The following CTNNA2 variants were observed in gnomAD, a reference collection of about 807,000 sequenced individuals.
The protein encoded by CTNNA2 is catenin alpha 2.
In CTNNA2, 42 loss-of-function variants were observed where a neutral mutation model predicts 101.0. The observed-to-expected ratio is 0.42, with a 90% CI of 0.32 to 0.54. CTNNA2 has a LOEUF of 0.54. Ranked by LOEUF, CTNNA2 falls within the 20% of genes least tolerant of loss-of-function variation. The pLI, the probability that CTNNA2 is intolerant of heterozygous loss-of-function variation, is 0.14. For synonymous variants in CTNNA2, 450 were observed against 456.4 expected, an observed-to-expected ratio of 0.99 and a Z score of 0.18; for missense variants, 871 against 1,223.1, an observed-to-expected ratio of 0.71 and a Z score of 4.29.
chr2:80,086,702 G>C (rs746354267), intron 7 of CTNNA2, among the ~76,000 whole-genome samples: 1 of 152,060 alleles, frequency 6.6e-6, no homozygotes. Flanking sequence ...GCAAAGGCTT[G>C]AAATGTGTAG....
intron 1 of CTNNA2, chr2:79,575,335 T>A (rs1487533140): frequency 1.3e-5 from 2 of 152,234 alleles, no homozygotes; most frequent in Non-Finnish European, 2.9e-5. Context: ...ACCTTGAGGT[T>A]CCACCATTTC....
At position 80,179,827 on chromosome 2, in the gene CTNNA2, A is replaced by T. The variant is rs573509069; in HGVS notation, c.1057-213384A>T. On this transcript the variant is annotated intron_variant, in intron 7 of 18. Transcript: ENST00000402739. ...GGCCTTTCCCTCCATACTAGCCGTC[A>T]TCTTACCAGTCAGGTAGCCAATGTG... Among the ~76,000 whole-genome samples, 9 of 152,296 alleles carry T rather than the reference A, an allele frequency of 5.9e-5. No individual in the cohort carries two copies. The East Asian group carries it at 1.7e-3, about 29-fold the overall frequency.
intron 4 of CTNNA2, among the ~76,000 whole-genome samples, chr2:79,867,206 G>T (rs554131347): frequency 3.7e-4 from 56 of 152,262 alleles, no homozygotes; most frequent in African/African-American, 1.3e-3. Flanking sequence ...AAGGACAAAA[G>T]ATCCTTGACT....
chr2:79,744,819 T>C (rs144815986), intron 3 of CTNNA2, among the ~76,000 whole-genome samples: 152 of 152,306 alleles, frequency 1.0e-3, no homozygotes, highest in African/African-American at 3.6e-3. Context: ...CTTCAAGATG[T>C]TTCTTCTTGG....
chr2:79,620,881 C>T (rs776937542), intron 1 of CTNNA2, among the ~76,000 whole-genome samples: 2 of 152,098 alleles, frequency 1.3e-5, no homozygotes, highest in East Asian at 1.9e-4. Context: ...CTGACTAGAG[C>T]GTTAAAAATT....
At chr2:79,916,644 A>G (rs7607581) in intron 7 of CTNNA2, among the ~76,000 whole-genome samples, 96,916 of 107,910 alleles carry the variant, frequency 0.9, 43,965 homozygotes, top group East Asian at 0.93. Context: ...GTGCAGTGGC[A>G]TGATCTCGGC....
chr2:80,618,993 C>A, intron 17 of CTNNA2, 92 bp from the exon 18 acceptor site: 2 of 768,776 alleles, frequency 2.6e-6, no homozygotes, highest in Non-Finnish European at 3.8e-6. Flanking sequence ...TTCCCTCTTC[C>A]ACTCCCTAAT....
At position 80,286,193 on chromosome 2, in the gene CTNNA2, A is replaced by G. The variant is rs2149168804; in HGVS notation, c.1057-107018A>G. Among the ~76,000 whole-genome samples the G allele has an allele frequency of 1.3e-5, 2 of 152,238 alleles. 1 individual carries two copies. The highest frequency in any genetic ancestry group is 4.1e-4 in the South Asian group (2 of 4,824). On this transcript the variant is annotated intron_variant, in intron 7 of 18. Transcript: ENST00000402739. ...TTGGTTATTGAAGTCTCTTCTGTGG[A>G]TAGACCCACTGGTGGCCATGACCCA... is the stretch of plus-strand genomic sequence containing the variant.
chr2:79,239,182 G>T (rs1261196571), intron 2 of CTNNA2, among the ~76,000 whole-genome samples: 1 of 152,066 alleles, frequency 6.6e-6, no homozygotes, highest in African/African-American at 2.4e-5. Context: ...AAACAAGAAA[G>T]CTGGAGGCAT....
At chr2:80,267,235 T>C (rs187336040) in intron 7 of CTNNA2, among the ~76,000 whole-genome samples, 1 of 152,264 alleles carries the variant, frequency 6.6e-6, no homozygotes. Context: ...GGATATACAG[T>C]GTATGTGGTG....
chr2:79,466,014 A>C lies in CTNNA2; in HGVS notation c.-134-39040A>C, dbSNP rs183525077. Among the ~76,000 whole-genome samples, 392 of 152,270 alleles carry C rather than the reference A, an allele frequency of 2.6e-3. 3 individuals are homozygous for C. Among genetic ancestry groups the C allele is most frequent in the African/African-American group, 8.9e-3 (371 of 41,544 alleles). On this transcript the variant is annotated intron_variant, in intron 4 of 21. Coordinates refer to the CTNNA2 transcript ENST00000466387. ...CCAACCAAGGTACTGGGTTCATCTC[A>C]CTGGGGCTTGTCGGACAGTGGGTGC...
intron 11 of CTNNA2, among the ~76,000 whole-genome samples, chr2:80,548,277 C>T (rs930780066): frequency 9.2e-5 from 14 of 152,252 alleles, no homozygotes; most frequent in African/African-American, 3.1e-4. Context: ...TCTTCTGCAT[C>T]CCCTTCTACC....
chr2:79,270,584 C>T (rs1474492983), intron 2 of CTNNA2, among the ~76,000 whole-genome samples: 5 of 152,082 alleles, frequency 3.3e-5, no homozygotes, highest in Non-Finnish European at 5.9e-5. Flanking sequence ...GCCCCTACTA[C>T]CCATTACCTG....
chr2:79,543,888 C>A lies in CTNNA2; in HGVS notation c.-6+30681C>A, dbSNP rs142241461. ...TATAAAATATTAAAGTAGAAAAGGA[C>A]AACAAGTATTCTTGGACAAGGGAAG... On this transcript the variant is annotated intron_variant, in intron 1 of 18. Transcript: ENST00000402739. Among the ~76,000 whole-genome samples the A allele has an allele frequency of 4.9e-4, 74 of 152,182 alleles. No individual in the cohort carries two copies. The East Asian group carries it at 0.014, about 29-fold the overall frequency.
At chr2:79,214,069 T>C (rs1026007852) in intron 2 of CTNNA2, among the ~76,000 whole-genome samples, 3 of 152,104 alleles carry the variant, frequency 2.0e-5, no homozygotes, top group African/African-American at 7.2e-5. Flanking sequence ...TGTTGTTTTG[T>C]AGAAGGGATT....
chr2:80,125,985 T>G (rs1208191152), intron 7 of CTNNA2, among the ~76,000 whole-genome samples: 5 of 152,176 alleles, frequency 3.3e-5, no homozygotes, highest in Non-Finnish European at 7.3e-5. Flanking sequence ...GGAAAGTGCT[T>G]AGTACTATAA....
chr2:80,113,043 C>T (rs1300627748), intron 7 of CTNNA2, among the ~76,000 whole-genome samples: 1 of 152,062 alleles, frequency 6.6e-6, no homozygotes, highest in Non-Finnish European at 1.5e-5. Flanking sequence ...GCTGTCATGC[C>T]CCAGTGCTGA....
At chr2:79,793,868 CCACACACACACACACTCATG>C (rs1174354294) in intron 3 of CTNNA2, among the ~76,000 whole-genome samples, 3 of 138,552 alleles carry the variant, frequency 2.2e-5, no homozygotes, top group Admixed American at 1.5e-4. Context: ...TTCCCCAATA[CCACACACACACACACTCATG>C]CACACACACA....
At chr2:80,202,248 G>C (rs1019585750) in intron 7 of CTNNA2, among the ~76,000 whole-genome samples, 1 of 152,140 alleles carries the variant, frequency 6.6e-6, no homozygotes, top group East Asian at 1.9e-4. Flanking sequence ...CCCAGACATA[G>C]CTCAGCACCT....
Sources: gnomAD v4.1 joint callset for allele counts (sites outside exome capture counted in the v4.1 genomes callset) on GRCh38, gnomAD v4.1.1 for gene constraint, MANE v1.5 for transcripts, NCBI Gene and HGNC (gene_info 2026-07-23, HGNC 2026-07-21) for gene names.